The following WDFY2 variants were observed in gnomAD, a reference collection of about 807,000 sequenced individuals.
WDFY2 encodes WD repeat and FYVE domain-containing protein 2.
WDFY2 carries 36 observed loss-of-function variants against 56.4 expected under a neutral mutation model. That is an observed-to-expected ratio of 0.64 (90% CI 0.49 to 0.84). The LOEUF is 0.84. Among genes scored for constraint, WDFY2 ranks in the 40% least tolerant of loss-of-function variants. The pLI, the probability that WDFY2 is intolerant of heterozygous loss-of-function variation, is 0.00. For missense variants in WDFY2, 444 were observed against 512.2 expected, an observed-to-expected ratio of 0.87 and a Z score of 1.29; for synonymous variants, 176 against 183.7, an observed-to-expected ratio of 0.96 and a Z score of 0.34.
intron 1 of WDFY2, among the ~76,000 whole-genome samples, chr13:51,625,424 TG>T (rs1954820843): frequency 6.6e-6 from 1 of 152,206 alleles, no homozygotes; most frequent in Admixed American, 6.5e-5. Flanking sequence ...TGTTTTAAGG[TG>T]GGAAGGAATG....
At chr13:51,661,521 G>A (rs2138460238) in intron 2 of WDFY2, among the ~76,000 whole-genome samples, 1 of 152,250 alleles carries the variant, frequency 6.6e-6, no homozygotes, top group Non-Finnish European at 1.5e-5. Context: ...CTCATCTCTT[G>A]ATATAAGTAT....
rs552829808 is a variant in WDFY2, at chr13:51,765,826, A to C, written c.*6057A>C. The stretch of plus-strand genomic sequence containing the variant: ...AAGATGGTAAGGGTGGAAATTAATC[A>C]TGGTACCATCTCATTAAAAATAGAT... On this transcript the variant is annotated 3_prime_UTR_variant, in exon 12 of 12. Transcript: ENST00000298125. 6.6e-6 allele frequency: 1 copy of C among 152,236 alleles called. No individual in the cohort carries two copies. The highest frequency in any genetic ancestry group is 2.1e-4 in the South Asian group (1 of 4,834). 9.4% of individuals were successfully genotyped at this position (152,236 alleles called of 1,614,324 possible).
chr13:51,649,696 C>T (rs1593932102), intron 1 of WDFY2, among the ~76,000 whole-genome samples: 2 of 151,680 alleles, frequency 1.3e-5, no homozygotes, highest in African/African-American at 4.8e-5. Context: ...GTTTTTTGTC[C>T]TTGCAATAGT....
chr13:51,700,971 A>G (rs1274248061), intron 3 of WDFY2, among the ~76,000 whole-genome samples: 1 of 152,208 alleles, frequency 6.6e-6, no homozygotes, highest in Non-Finnish European at 1.5e-5. Flanking sequence ...CTGTCTCAAA[A>G]AAAAGAATGT....
chr13:51,755,514 T>G, intron 9 of WDFY2, 55 bp downstream of exon 9: 3 of 1,556,492 alleles, frequency 1.9e-6, no homozygotes, highest in Non-Finnish European at 2.7e-6. Flanking sequence ...AGCTCAACCA[T>G]GTGATCTTAG....
At chr13:51,756,226 C>A in intron 9 of WDFY2, 106 bp from the exon 10 acceptor site, 1 of 1,471,038 alleles carries the variant, frequency 6.8e-7, no homozygotes, top group Non-Finnish European at 9.1e-7. Flanking sequence ...TCAGCATCCT[C>A]ACCTGGATGC....
At chr13:51,697,497 G>A (rs1053762192) in intron 3 of WDFY2, among the ~76,000 whole-genome samples, 2 of 151,996 alleles carry the variant, frequency 1.3e-5, no homozygotes, top group African/African-American at 4.8e-5. Context: ...GCCATGTGTG[G>A]TGGCTTGTGC....
At chr13:51,720,631 C>T (rs1034845594) in intron 5 of WDFY2, among the ~76,000 whole-genome samples, 4 of 152,158 alleles carry the variant, frequency 2.6e-5, no homozygotes, top group East Asian at 1.9e-4. Flanking sequence ...TTTATCCATT[C>T]GGGCTGCTAT....
At chr13:51,707,087 A>G (rs903477662) in intron 4 of WDFY2, among the ~76,000 whole-genome samples, 1 of 152,262 alleles carries the variant, frequency 6.6e-6, no homozygotes, top group African/African-American at 2.4e-5. Flanking sequence ...AGTGGGTAGA[A>G]TATTAGACAC....
intron 4 of WDFY2, among the ~76,000 whole-genome samples, chr13:51,707,906 A>T (rs896995445): frequency 6.8e-6 from 1 of 147,416 alleles, no homozygotes; most frequent in Non-Finnish European, 1.5e-5. Context: ...GACCATGGTA[A>T]GTTAAAGATA....
At chr13:51,715,271 T>C (rs1952318553) in intron 4 of WDFY2, among the ~76,000 whole-genome samples, 1 of 152,234 alleles carries the variant, frequency 6.6e-6, no homozygotes, top group African/African-American at 2.4e-5. Flanking sequence ...TTTCAACTTT[T>C]TTGTAATAAC....
chr13:51,638,731 T>C (rs541247969), intron 1 of WDFY2, among the ~76,000 whole-genome samples: 1 of 152,348 alleles, frequency 6.6e-6, no homozygotes, highest in African/African-American at 2.4e-5. Flanking sequence ...TGGGCACTGC[T>C]AAACTTTTTG....
intron 1 of WDFY2, among the ~76,000 whole-genome samples, chr13:51,611,748 C>T (rs1954507897): frequency 6.6e-6 from 1 of 152,066 alleles, no homozygotes; most frequent in Admixed American, 6.6e-5. Context: ...AGGCATGAGA[C>T]CCAGTTCTGG....
intron 1 of WDFY2, among the ~76,000 whole-genome samples, chr13:51,648,703 G>A (rs965646547): frequency 1.3e-5 from 2 of 152,110 alleles, no homozygotes; most frequent in Non-Finnish European, 2.9e-5. Flanking sequence ...AAACCTGCAC[G>A]TTCTGCACAT....
chr13:51,718,166 C>T (rs979219369), intron 4 of WDFY2, among the ~76,000 whole-genome samples: 2 of 152,176 alleles, frequency 1.3e-5, no homozygotes, highest in East Asian at 3.8e-4. Context: ...TCTGTGACCT[C>T]ACCACAGTCA....
At chr13:51,708,298 C>T (rs2138595989) in intron 4 of WDFY2, among the ~76,000 whole-genome samples, 1 of 147,520 alleles carries the variant, frequency 6.8e-6, no homozygotes, top group African/African-American at 2.5e-5. Context: ...TTGAGACCAG[C>T]CTGGGCAACA....
chr13:51,584,770 A>C lies in WDFY2; in HGVS notation c.83A>C (p.Asn28Thr). 6.2e-7 allele frequency: 1 copy of C among 1,613,886 alleles called. No individual in the cohort carries two copies. Among genetic ancestry groups the C allele is most frequent in the Non-Finnish European group, 8.5e-7 (1 of 1,179,804 alleles). The change falls in exon 1 of 12, where the codon AAT (asparagine) becomes ACT (threonine). Residue 28 changes from asparagine (N) to threonine (T), a missense_variant. Transcript: ENST00000298125. ...QRMEGSQEVV[N>T]MAVIVPKEEG... The stretch of plus-strand genomic sequence containing the variant: ...ATGGAGGGGTCCCAGGAGGTGGTGA[A>C]TATGGCCGTGATCGTGCCCAAAGAG...
chr13:51,594,650 C>T (rs1954111452), intron 1 of WDFY2, among the ~76,000 whole-genome samples: 1 of 152,198 alleles, frequency 6.6e-6, no homozygotes, highest in African/African-American at 2.4e-5. Flanking sequence ...TAGCCCTAAT[C>T]TCTCTGTCCA....
intron 2 of WDFY2, among the ~76,000 whole-genome samples, chr13:51,664,016 G>T (rs985550994): frequency 6.6e-5 from 10 of 152,166 alleles, no homozygotes; most frequent in Non-Finnish European, 1.3e-4. Context: ...GAGAGTAAAT[G>T]CATTACAGCT....
Sources: allele counts gnomAD v4.1 joint callset (sites outside exome capture counted in the v4.1 genomes callset), GRCh38; gene constraint gnomAD v4.1.1; transcripts MANE v1.5; gene names NCBI Gene and HGNC (gene_info 2026-07-23, HGNC 2026-07-21).